The following BRINP2 variants were observed in gnomAD, a reference collection of about 807,000 sequenced individuals.
BRINP2 encodes BMP/retinoic acid-inducible neural-specific protein 2.
BRINP2 carries 21 observed loss-of-function variants against 69.2 expected under a neutral mutation model. That is an observed-to-expected ratio of 0.30 (90% CI 0.22 to 0.44). The LOEUF is 0.44. Among genes scored for constraint, BRINP2 ranks in the 20% least tolerant of loss-of-function variants. BRINP2 has a pLI of 1.00. For missense variants in BRINP2, 877 were observed against 986.0 expected (o/e 0.89, Z 1.48); for synonymous variants, 380 against 394.1 (o/e 0.96, Z 0.42).
chr1:177,251,023 A>G (rs1650565017), intron 2 of BRINP2, among the ~76,000 whole-genome samples: 1 of 152,202 alleles, frequency 6.6e-6, no homozygotes, highest in Non-Finnish European at 1.5e-5. Flanking sequence ...AATTCATTAA[A>G]TGTTAGCCAT....
chr1:177,278,523 T>C (rs775917315), intron 6 of BRINP2, 40 bp from the exon 7 acceptor site: 1 of 1,598,212 alleles, frequency 6.3e-7, no homozygotes, highest in African/African-American at 1.3e-5. Flanking sequence ...GAGTTCTGCA[T>C]AGCTACCCGT....
chr1:177,248,063 G>A (rs780080077), intron 2 of BRINP2, among the ~76,000 whole-genome samples: 4 of 152,074 alleles, frequency 2.6e-5, no homozygotes, highest in African/African-American at 4.8e-5. Flanking sequence ...TGCTTCCCCC[G>A]CAGAGGTAGA....
chr1:177,219,608 T>G (rs1365992422), intron 1 of BRINP2, among the ~76,000 whole-genome samples: 1 of 152,230 alleles, frequency 6.6e-6, no homozygotes, highest in Non-Finnish European at 1.5e-5. Context: ...TCTGTGCTGT[T>G]TAGCACAGCT....
At chr1:177,186,216 T>G (rs1336032759) in intron 1 of BRINP2, among the ~76,000 whole-genome samples, 1 of 152,154 alleles carries the variant, frequency 6.6e-6, no homozygotes, top group Admixed American at 6.5e-5. Context: ...CTCCTGGGCA[T>G]GGGAGGTATC....
Position 177,256,853 on chromosome 1 carries a change from G to A in BRINP2, c.461-323G>A, listed in dbSNP as rs992357613. 12 of 1,177,342 alleles carry A rather than the reference G, an allele frequency of 1.0e-5. No individual in the cohort carries two copies. The Admixed American group carries it at 1.1e-4, about 11-fold the overall frequency. The allele number at this position is 1,177,342 out of a possible 1,614,324, so 72.9% of individuals were successfully genotyped here. ...GCAGAAAAAGCCACGAAGACTCCTC[G>A]TAAACAACTTGAGAGAGAGAATTGT... is the stretch of plus-strand genomic sequence containing the variant. On this transcript the variant is annotated intron_variant, in intron 3 of 7. Transcript: ENST00000361539.
chr1:177,247,100 A>G (rs1012868247), intron 2 of BRINP2, among the ~76,000 whole-genome samples: 1 of 152,256 alleles, frequency 6.6e-6, no homozygotes, highest in Non-Finnish European at 1.5e-5. Flanking sequence ...TGTGAGTCCT[A>G]TGAAAAAGAC....
chr1:177,199,657 T>C (rs1648845489), intron 1 of BRINP2, among the ~76,000 whole-genome samples: 2 of 152,210 alleles, frequency 1.3e-5, no homozygotes, highest in African/African-American at 4.8e-5. Context: ...CTTCTCAGCA[T>C]TCTAATTTTA....
intron 1 of BRINP2, among the ~76,000 whole-genome samples, chr1:177,184,192 T>C (rs1464917317): frequency 6.6e-6 from 1 of 152,188 alleles, no homozygotes; most frequent in Non-Finnish European, 1.5e-5. Flanking sequence ...AGGTTTATGG[T>C]TAGGTTTGTA....
intron 1 of BRINP2, among the ~76,000 whole-genome samples, chr1:177,195,646 C>A (rs1233837091): frequency 2.0e-5 from 3 of 151,718 alleles, no homozygotes; most frequent in Non-Finnish European, 4.4e-5. Flanking sequence ...AAACCAACAC[C>A]AACGCTGGCA....
intron 2 of BRINP2, among the ~76,000 whole-genome samples, chr1:177,238,156 C>T (rs1650086733): frequency 6.6e-6 from 1 of 152,180 alleles, no homozygotes; most frequent in Non-Finnish European, 1.5e-5. Context: ...GAGAGTTCTG[C>T]TTTCCAGGAA....
At chr1:177,244,301 AG>A (rs1650305054) in intron 2 of BRINP2, among the ~76,000 whole-genome samples, 1 of 152,236 alleles carries the variant, frequency 6.6e-6, no homozygotes, top group African/African-American at 2.4e-5. Flanking sequence ...TAGCAGCAAC[AG>A]CATACACTGC....
chr1:177,272,398 A>T (rs151125649), intron 4 of BRINP2, among the ~76,000 whole-genome samples: 1 of 152,232 alleles, frequency 6.6e-6, no homozygotes, highest in Non-Finnish European at 1.5e-5. Context: ...AATGTATTAT[A>T]CATGCATTCT....
intron 1 of BRINP2, among the ~76,000 whole-genome samples, chr1:177,178,342 A>G (rs1335310569): frequency 2.0e-5 from 3 of 152,162 alleles, no homozygotes; most frequent in Admixed American, 1.3e-4. Flanking sequence ...TTAGCATAAC[A>G]AACAGGAGCT....
At chr1:177,279,180 G>A (rs1313278333) in intron 7 of BRINP2, among the ~76,000 whole-genome samples, 1 of 152,040 alleles carries the variant, frequency 6.6e-6, no homozygotes, top group African/African-American at 2.4e-5. Flanking sequence ...GGTCACAGGA[G>A]GAAAAAAAGT....
chr1:177,187,879 A>G (rs1386756426), intron 1 of BRINP2, among the ~76,000 whole-genome samples: 1 of 152,192 alleles, frequency 6.6e-6, no homozygotes. Flanking sequence ...CTGTAATTTA[A>G]AAGATTAAAA....
chr1:177,178,576 C>T (rs947986682), intron 1 of BRINP2, among the ~76,000 whole-genome samples: 6 of 152,152 alleles, frequency 3.9e-5, no homozygotes, highest in African/African-American at 1.4e-4. Flanking sequence ...TTCTCTGAAA[C>T]TCTGGGACAG....
At chr1:177,222,720 AAAAC>A (rs1649574020) in intron 1 of BRINP2, among the ~76,000 whole-genome samples, 1 of 152,132 alleles carries the variant, frequency 6.6e-6, no homozygotes, top group Non-Finnish European at 1.5e-5. Context: ...GAAAAAGAAA[AAAAC>A]AAACAAAAAA....
Position 177,282,256 on chromosome 1 carries a change from G to A in BRINP2, c.*728G>A, listed in dbSNP as rs533077192. The A allele has an allele frequency of 8.5e-5, 13 of 152,184 alleles. No homozygotes were observed. The East Asian group carries it at 9.7e-4, about 11-fold the overall frequency. 9.4% of individuals were successfully genotyped at this position (152,184 alleles called of 1,614,324 possible). A position where few individuals can be genotyped will look rare whatever the true frequency, so the allele number is the denominator to read the frequency against. On this transcript the variant is annotated 3_prime_UTR_variant, in exon 8 of 8. Transcript: ENST00000361539. ...TCCTTTCCAACAGCATCTCTCTGTC[G>A]AAGAAAGAAGCTCTGTCAAGTTAGA...
rs972246834 is a variant in BRINP2, at chr1:177,230,230, A to C, written c.269+85A>C. On this transcript the variant is annotated intron_variant, in intron 2 of 7. Transcript: ENST00000361539. ...TGCTGGTGTGCTGGCCCAAACCCCT[A>C]AACAGGCTGGAATGCCCTCAAACTG... 1.1e-4 allele frequency: 161 copies of C among 1,446,978 alleles called. No homozygotes were observed. In the East Asian group the frequency reaches 3.8e-3, roughly 34 times the overall value. 89.6% of individuals were successfully genotyped at this position (1,446,978 alleles called of 1,614,324 possible).
Sources: gnomAD v4.1 joint callset for allele counts (sites outside exome capture counted in the v4.1 genomes callset) on GRCh38, gnomAD v4.1.1 for gene constraint, MANE v1.5 for transcripts, NCBI Gene and HGNC (gene_info 2026-07-23, HGNC 2026-07-21) for gene names.